The following PHGDH variants were observed in gnomAD, a reference collection of about 807,000 sequenced individuals.
The protein encoded by PHGDH is phosphoglycerate dehydrogenase.
PHGDH carries 50 observed loss-of-function variants against 52.6 expected under a neutral mutation model. The observed-to-expected ratio is 0.95, with a 90% confidence interval of 0.76 to 1.20. PHGDH has a LOEUF of 1.20. PHGDH is among the 50% of genes most tolerant of loss of function. The pLI, the probability that PHGDH is intolerant of heterozygous loss-of-function variation, is 0.00. For missense variants in PHGDH, 630 were observed against 684.6 expected (o/e 0.92, Z 0.89); for synonymous variants, 271 against 280.5 (o/e 0.97, Z 0.34).
rs774745324 is a variant in PHGDH, at chr1:119,734,754, C to A, written c.631C>A (p.Pro211Thr). The change falls in exon 6 of 12, where the codon CCC (proline) becomes ACC (threonine). Residue 211 changes from proline (P) to threonine (T), a missense_variant. Transcript: ENST00000641023. ...DFITVHTPLLPSTTGLLNDNT... is the reference protein window; with the variant it reads ...DFITVHTPLLTSTTGLLNDNT... ...CATCACTGTGCACACTCCTCTCCTG[C>A]CCTCCACGACAGGTAGGTGTGTCCT... 4 of 1,613,996 alleles carry A rather than the reference C, an allele frequency of 2.5e-6. No homozygotes were observed. The African/African-American group carries it at 4.0e-5, about 16-fold the overall frequency.
At position 119,734,664 on chromosome 1, in the gene PHGDH, G is replaced by A. The variant is rs1651852597; in HGVS notation, c.541G>A (p.Glu181Lys). Residue 181 changes from glutamate (E) to lysine (K), a missense_variant, in exon 6 of 12, where the codon GAG becomes AAG. Physicochemically the swap from Glu to Lys is moderately conservative, Grantham distance 56. Transcript: ENST00000641023. ...AGGGTATGACCCCATCATTTCCCCA[G>A]AGGTCTCGGCCTCCTTTGGTGTTCA... Reference protein sequence around the residue: ...TIGYDPIISPEVSASFGVQQL... With the variant: ...TIGYDPIISPKVSASFGVQQL... 6.2e-7 allele frequency: 1 copy of A among 1,614,020 alleles called. No homozygotes were observed.
intron 7 of PHGDH, among the ~76,000 whole-genome samples, chr1:119,735,901 G>A (rs59052846): frequency 0.018 from 2,676 of 152,256 alleles, 85 homozygotes; most frequent in African/African-American, 0.062. Context: ...ACAGAAGCCC[G>A]AGGATACTGG....
chr1:119,716,876 T>A (rs964915180), intron 1 of PHGDH, among the ~76,000 whole-genome samples: 3 of 152,086 alleles, frequency 2.0e-5, no homozygotes, highest in Admixed American at 2.0e-4. Context: ...CACTCCTGTT[T>A]CCCTCCATGC....
At chr1:119,713,739 G>A (rs1650803846) in intron 1 of PHGDH, among the ~76,000 whole-genome samples, 1 of 152,166 alleles carries the variant, frequency 6.6e-6, no homozygotes, top group Non-Finnish European at 1.5e-5. Context: ...GCAGTGGGGT[G>A]TCCTGCAGAA....
In PHGDH at chr1:119,723,370, C is replaced by G; in HGVS notation, c.291-6C>G. 6.2e-7 allele frequency: 1 copy of G among 1,611,608 alleles called. No homozygotes were observed. On this transcript the variant is annotated splice_polypyrimidine_tract_variant and splice_region_variant and intron_variant, in intron 2 of 11. Coordinates refer to ENST00000641023, the MANE Select transcript of PHGDH (RefSeq NM_006623.4). ...CATTGATGTCCCCCTTTTCTTTGATCTTTAGCACCCCCAATGGGAACAGCC... is the reference window on the plus strand; with the variant it reads ...CATTGATGTCCCCCTTTTCTTTGATGTTTAGCACCCCCAATGGGAACAGCC...
intron 3 of PHGDH, chr1:119,726,616 C>G: frequency 3.3e-6 from 2 of 598,344 alleles, no homozygotes; most frequent in South Asian, 3.9e-5. Flanking sequence ...ATACCTCCTC[C>G]CAGATGCCTG....
intron 5 of PHGDH, chr1:119,729,493 G>A (rs587714868): frequency 6.6e-6 from 1 of 152,312 alleles, no homozygotes; most frequent in African/African-American, 2.4e-5. Context: ...TCTTCCCCAT[G>A]ACTCCCCTTC....
chr1:119,726,962 T>A, intron 4 of PHGDH, 42 bp from the exon 5 acceptor site: 1 of 1,606,606 alleles, frequency 6.2e-7, no homozygotes, highest in Admixed American at 1.7e-5. Flanking sequence ...TCCACTCATG[T>A]TGCTGACTTC....
rs774142037 is a variant in PHGDH, at chr1:119,741,903, C to G, written c.1209+6C>G. 1 of 1,611,750 alleles carries G rather than the reference C, an allele frequency of 6.2e-7. No individual in the cohort carries two copies. Among genetic ancestry groups the G allele is most frequent in the South Asian group, 1.1e-5 (1 of 91,030 alleles). On this transcript the variant is annotated splice_donor_region_variant and intron_variant, in intron 10 of 11. Coordinates refer to ENST00000641023, the MANE Select transcript of PHGDH (RefSeq NM_006623.4). ...TGAAAGAGGCTGGCCTCAATGTGCG[C>G]CCCTCTCCCCCACGCTGCCTCCCCA... is the stretch of plus-strand genomic sequence containing the variant.
Position 119,727,253 on chromosome 1 carries a change from G to A in PHGDH, c.510+151G>A. On this transcript the variant is annotated intron_variant, in intron 5 of 11. Coordinates refer to ENST00000641023, the MANE Select transcript of PHGDH (RefSeq NM_006623.4). Reference sequence around the variant, plus strand: ...TAAATAAGTGTTAAAGTCAAGGAGGGAGAGAACACTGGCCTGCTGATCTGG... The same window carrying A: ...TAAATAAGTGTTAAAGTCAAGGAGGAAGAGAACACTGGCCTGCTGATCTGG... 1.0e-5 allele frequency: 7 copies of A among 687,116 alleles called. No homozygotes were observed. In the South Asian group the frequency reaches 1.1e-4, roughly 11 times the overall value. 42.6% of individuals were successfully genotyped at this position (687,116 alleles called of 1,614,324 possible).
At chr1:119,732,636 G>A (rs1388697150) in intron 5 of PHGDH, among the ~76,000 whole-genome samples, 3 of 152,332 alleles carry the variant, frequency 2.0e-5, no homozygotes, top group African/African-American at 7.2e-5. Flanking sequence ...GGTTTGCTCA[G>A]CCAGATTCCT....
At chr1:119,721,389 G>A in intron 2 of PHGDH, 68 bp downstream of exon 2, 2 of 1,500,090 alleles carry the variant, frequency 1.3e-6, no homozygotes, top group Non-Finnish European at 9.1e-7. Flanking sequence ...CACACCTAGG[G>A]AGAAAAAACT....
At chr1:119,733,445 ATCC>A (rs1456839974) in intron 5 of PHGDH, among the ~76,000 whole-genome samples, 3 of 146,728 alleles carry the variant, frequency 2.0e-5, no homozygotes, top group African/African-American at 7.7e-5. Context: ...GGCCCAAGTG[ATCC>A]TCCTGCCTCA....
At chr1:119,728,459 G>A (rs915481525) in intron 5 of PHGDH, among the ~76,000 whole-genome samples, 2 of 152,164 alleles carry the variant, frequency 1.3e-5, no homozygotes, top group Non-Finnish European at 2.9e-5. Flanking sequence ...TGATATGATT[G>A]TAGAGCCTAT....
intron 1 of PHGDH, chr1:119,712,497 C>T: frequency 2.7e-6 from 1 of 368,384 alleles, no homozygotes; most frequent in Non-Finnish European, 5.2e-6. Context: ...AGCGCCTTAG[C>T]GCGCAATTGT....
intron 3 of PHGDH, among the ~76,000 whole-genome samples, chr1:119,724,164 C>T (rs1282347516): frequency 6.6e-6 from 1 of 152,118 alleles, no homozygotes; most frequent in Non-Finnish European, 1.5e-5. Context: ...TGGAGCACTT[C>T]TGTTGAACAG....
chr1:119,726,188 G>GTA (rs1397627892), intron 3 of PHGDH, among the ~76,000 whole-genome samples: 2 of 144,136 alleles, frequency 1.4e-5, no homozygotes, highest in Non-Finnish European at 1.5e-5. Flanking sequence ...GAGTGTGTGT[G>GTA]TGTGTGTGTG....
At position 119,740,523 on chromosome 1, in the gene PHGDH, G is replaced by C; in HGVS notation, c.1078+5G>C. On this transcript the variant is annotated splice_donor_5th_base_variant and intron_variant, in intron 9 of 11. Coordinates refer to ENST00000641023, the MANE Select transcript of PHGDH (RefSeq NM_006623.4). Reference sequence around the variant, plus strand: ...CCATCCAGGTGATAACACAGGGTGAGCTGGGGACCTTGCAGAGGGAGGGGG... The same window carrying C: ...CCATCCAGGTGATAACACAGGGTGACCTGGGGACCTTGCAGAGGGAGGGGG... 1 of 1,564,164 alleles carries C rather than the reference G, an allele frequency of 6.4e-7. No homozygotes were observed. The highest frequency in any genetic ancestry group is 8.7e-7 in the Non-Finnish European group (1 of 1,153,370).
At chr1:119,712,297 A>C in intron 1 of PHGDH, 137 bp downstream of exon 1, 1 of 736,068 alleles carries the variant, frequency 1.4e-6, no homozygotes, top group Non-Finnish European at 2.4e-6. Flanking sequence ...TGGGGGGTAG[A>C]GAAGAACGGG....
Sources: gnomAD v4.1 joint callset for allele counts (sites outside exome capture counted in the v4.1 genomes callset) on GRCh38, gnomAD v4.1.1 for gene constraint, MANE v1.5 for transcripts, NCBI Gene and HGNC (gene_info 2026-07-23, HGNC 2026-07-21) for gene names.